The following ANKRD55 variants were observed in gnomAD, a reference collection of about 807,000 sequenced individuals.
The protein encoded by ANKRD55 is ankyrin repeat domain-containing protein 55.
A neutral mutation model predicts 60.6 loss-of-function variants in ANKRD55; 41 were observed. The observed-to-expected ratio is 0.68, with a 90% CI of 0.53 to 0.88. The LOEUF is 0.88. Ranked by LOEUF, ANKRD55 falls within the 40% of genes least tolerant of loss-of-function variation. The probability of loss-of-function intolerance (pLI) is 0.00; values close to 1 mark genes in which losing one functional copy is unlikely to be tolerated. For missense variants in ANKRD55, 732 were observed against 767.6 expected, an observed-to-expected ratio of 0.95 and a Z score of 0.55; for synonymous variants, 264 against 290.3, an observed-to-expected ratio of 0.91 and a Z score of 0.92.
intron 2 of ANKRD55, among the ~76,000 whole-genome samples, chr5:56,204,554 T>A (rs1759457071): frequency 6.6e-6 from 1 of 152,164 alleles, no homozygotes; most frequent in Admixed American, 6.5e-5. Flanking sequence ...GCTTGGCACT[T>A]CTCCTTCCTG....
At chr5:56,161,885 A>T (rs1049479628) in intron 5 of ANKRD55, 4 of 742,214 alleles carry the variant, frequency 5.4e-6, no homozygotes, top group Non-Finnish European at 6.6e-6. Context: ...ATATAAAAAT[A>T]ATTGCATTTT....
intron 7 of ANKRD55, chr5:56,137,379 C>A: frequency 9.0e-7 from 1 of 1,112,136 alleles, no homozygotes; most frequent in South Asian, 1.2e-5. Flanking sequence ...AGCTCATGGT[C>A]GGATTAACCC....
At chr5:56,123,046 G>A (rs1757123409) in intron 8 of ANKRD55, among the ~76,000 whole-genome samples, 1 of 152,102 alleles carries the variant, frequency 6.6e-6, no homozygotes, top group African/African-American at 2.4e-5. Flanking sequence ...GATTACAGGT[G>A]TGAGCCTGGC....
intron 2 of ANKRD55, among the ~76,000 whole-genome samples, chr5:56,185,799 C>T (rs1016793625): frequency 1.3e-5 from 2 of 152,108 alleles, no homozygotes; most frequent in Non-Finnish European, 2.9e-5. Context: ...TGGTCCTAAC[C>T]CTTTGCCTCG....
Position 56,106,420 on chromosome 5 carries a change from C to CTTTTTTTTTTTT in ANKRD55, c.1631-3846_1631-3835dup, listed in dbSNP as rs71602938. Among the ~76,000 whole-genome samples, 14 of 96,916 alleles carry CTTTTTTTTTTTT rather than the reference C, an allele frequency of 1.4e-4. 1 individual carries two copies. The highest frequency in any genetic ancestry group is 7.0e-4 in the African/African-American group (12 of 17,138). 63.6% of individuals were successfully genotyped at this position (96,916 alleles called of 152,430 possible). ...AATAAAATCCGTAAGGCTAGGAAAG[C>CTTTTTTTTTTTT]TTTTTTTTTTTTTTTTTTTTTTTGA... On this transcript the variant is annotated intron_variant, in intron 10 of 11. Transcript: ENST00000341048.
At chr5:56,125,383 C>T (rs559140968) in intron 8 of ANKRD55, among the ~76,000 whole-genome samples, 2 of 151,632 alleles carry the variant, frequency 1.3e-5, no homozygotes, top group South Asian at 2.1e-4. Flanking sequence ...TGGGTTCAAG[C>T]GATTCTCCTG....
Position 56,159,867 on chromosome 5 carries a change from G to A in ANKRD55, c.449C>T (p.Ser150Leu), listed in dbSNP as rs376013990. The A allele has an allele frequency of 3.1e-6, 5 of 1,613,740 alleles. No individual in the cohort carries two copies. The highest frequency in any genetic ancestry group is 2.2e-5 in the East Asian group (1 of 44,874). ...CTGGTGATTAATCTCGCTGATGTTCGACTGTTGCAACAGGACCGTGAGGAG... is the reference window on the plus strand; with the variant it reads ...CTGGTGATTAATCTCGCTGATGTTCAACTGTTGCAACAGGACCGTGAGGAG... ...MRLLTVLLQQ[S>L]NISEINHQDN... Residue 150 changes from serine to leucine, a missense_variant, in exon 6 of 12, where the codon TCG becomes TTG. Transcript: ENST00000341048.
intron 2 of ANKRD55, among the ~76,000 whole-genome samples, chr5:56,211,534 G>A (rs1308579340): frequency 2.6e-5 from 4 of 152,188 alleles, no homozygotes; most frequent in African/African-American, 4.8e-5. Flanking sequence ...ACCCAGGTAA[G>A]GCTGCAGCCT....
chr5:56,169,502 G>T (rs1400442023), intron 5 of ANKRD55, among the ~76,000 whole-genome samples: 1 of 151,562 alleles, frequency 6.6e-6, no homozygotes, highest in Non-Finnish European at 1.5e-5. Context: ...AACTGTCTGG[G>T]TTTGCTGTTC....
rs186178551 is a variant in ANKRD55 at position 56,126,084 on chromosome 5, A to G, written c.797+838T>C. On this transcript the variant is annotated intron_variant, in intron 8 of 11. Coordinates refer to ENST00000341048, the MANE Select transcript of ANKRD55 (RefSeq NM_024669.3). ...GGGAGGTGGAGGTTGCAGTGGGCTG[A>G]GGTTGCACCACTGCACTCCAGCCTG... Among the ~76,000 whole-genome samples, 15 of 152,266 alleles carry G rather than the reference A, an allele frequency of 9.9e-5. No individual in the cohort carries two copies. In the East Asian group the frequency reaches 2.9e-3, roughly 29 times the overall value.
chr5:56,160,042 T>A lies in ANKRD55; in HGVS notation c.423-149A>T, dbSNP rs1580991159. ...CCTTTCCGTTTCTCTGGGAAAAAGA[T>A]CCACAGAAAAGAAGCAAGAGTGTGA... On this transcript the variant is annotated intron_variant, in intron 5 of 11. Transcript: ENST00000341048. 9.1e-6 allele frequency: 6 copies of A among 656,564 alleles called. No homozygotes were observed. The East Asian group carries it at 1.7e-4, about 19-fold the overall frequency. The allele number at this position is 656,564 out of a possible 1,614,324, so 40.7% of individuals were successfully genotyped here.
chr5:56,130,392 C>A (rs1163545538), intron 7 of ANKRD55, among the ~76,000 whole-genome samples: 2 of 152,094 alleles, frequency 1.3e-5, no homozygotes, highest in African/African-American at 4.8e-5. Flanking sequence ...CTATCCTGTC[C>A]CACCTAAGAA....
At chr5:56,135,261 TCTTTCCCTCCC>T (rs1561263777) in intron 7 of ANKRD55, among the ~76,000 whole-genome samples, 1 of 127,388 alleles carries the variant, frequency 7.9e-6, no homozygotes, top group African/African-American at 3.4e-5. Context: ...CTTCCTTCCT[TCTTTCCCTCCC>T]TCCCTCCCTG....
chr5:56,148,863 A>G (rs1460071763), intron 6 of ANKRD55, among the ~76,000 whole-genome samples: 2 of 152,002 alleles, frequency 1.3e-5, no homozygotes, highest in African/African-American at 2.4e-5. Flanking sequence ...GGGGAGGGTT[A>G]AGAATTATAG....
rs752959451 is a variant in ANKRD55 at position 56,218,807 on chromosome 5, C to G, written c.58+14049G>C. On this transcript the variant is annotated intron_variant, in intron 2 of 11. Coordinates refer to ENST00000341048, the MANE Select transcript of ANKRD55 (RefSeq NM_024669.3). ...ATGTTGAGGGAGAGAGACACACACA[C>G]AGAGAGAGAGAGAGAGGGAGGGAAG... Among the ~76,000 whole-genome samples the G allele has an allele frequency of 8.4e-4, 126 of 149,786 alleles. 1 individual carries two copies. The highest frequency in any genetic ancestry group is 7.3e-4 in the Admixed American group (11 of 15,060).
chr5:56,106,420 C>CTGTTTTTTTTTTTTTTTTTT (rs1756473230), intron 10 of ANKRD55, among the ~76,000 whole-genome samples: 1 of 96,940 alleles, frequency 1.0e-5, no homozygotes, highest in Non-Finnish European at 1.8e-5. Flanking sequence ...GCTAGGAAAG[C>CTGTTTTTTTTTTTTTTTTTT]TTTTTTTTTT....
At chr5:56,178,985 C>A (rs1395498388) in intron 3 of ANKRD55, among the ~76,000 whole-genome samples, 1 of 151,760 alleles carries the variant, frequency 6.6e-6, no homozygotes, top group African/African-American at 2.4e-5. Context: ...ATAAATGTGG[C>A]AACATTTAAT....
intron 8 of ANKRD55, among the ~76,000 whole-genome samples, chr5:56,124,741 T>G: frequency 6.6e-6 from 1 of 152,150 alleles, no homozygotes. Context: ...CTCCTGACCT[T>G]GTGATCTACC....
chr5:56,100,423 G>C lies in ANKRD55; in HGVS notation c.1724-119C>G. 7.6e-6 allele frequency: 9 copies of C among 1,185,360 alleles called. No individual in the cohort carries two copies. In the South Asian group the frequency reaches 9.4e-5, roughly 12 times the overall value. The allele number at this position is 1,185,360 out of a possible 1,614,324, so 73.4% of individuals were successfully genotyped here. A position where few individuals can be genotyped will look rare whatever the true frequency, so the allele number is the denominator to read the frequency against. On this transcript the variant is annotated intron_variant, in intron 11 of 11. Coordinates refer to ENST00000341048, the MANE Select transcript of ANKRD55 (RefSeq NM_024669.3). ...ATTTCTAAGAAGTGTGTCTTGGTGA[G>C]AGCTAGACTGCAGAGAGAAGCTGTG... is the stretch of plus-strand genomic sequence containing the variant.
Sources: allele counts gnomAD v4.1 joint callset (sites outside exome capture counted in the v4.1 genomes callset), GRCh38; gene constraint gnomAD v4.1.1; transcripts MANE v1.5; gene names NCBI Gene and HGNC (gene_info 2026-07-23, HGNC 2026-07-21).